WDR7: variants seen among roughly 807,000 people sequenced by gnomAD.
The protein encoded by WDR7 is WD repeat domain 7.
WDR7 carries 46 observed loss-of-function variants against 169.4 expected under a neutral mutation model. The ratio of observed to expected loss-of-function variants is 0.27; its 90% CI spans 0.21 to 0.35. WDR7 has a LOEUF of 0.35. WDR7 is among the 10% of genes least tolerant of loss of function. The pLI, the probability that WDR7 is intolerant of heterozygous loss-of-function variation, is 1.00. For missense variants in WDR7, 1,534 were observed against 1,859.3 expected (o/e 0.83, Z 3.22); for synonymous variants, 612 against 666.8 (o/e 0.92, Z 1.27).
At chr18:56,967,423 T>G (rs777148362) in intron 26 of WDR7, among the ~76,000 whole-genome samples, 1 of 152,016 alleles carries the variant, frequency 6.6e-6, no homozygotes, top group Non-Finnish European at 1.5e-5. Context: ...AGTATCTAAC[T>G]CCCTATGAAG....
chr18:56,707,390 GA>G (rs1387268377), intron 12 of WDR7, among the ~76,000 whole-genome samples: 1 of 150,472 alleles, frequency 6.6e-6, no homozygotes, highest in African/African-American at 2.4e-5. Flanking sequence ...AATTAGGGAT[GA>G]CTTCTCTTCC....
At chr18:56,790,861 AT>A (rs900364593) in intron 19 of WDR7, among the ~76,000 whole-genome samples, 10 of 150,754 alleles carry the variant, frequency 6.6e-5, no homozygotes, top group South Asian at 2.1e-4. Flanking sequence ...ATAAAGAAAA[AT>A]TTTTTTTTTA....
chr18:56,842,703 AC>A, intron 20 of WDR7, among the ~76,000 whole-genome samples: 1 of 152,196 alleles, frequency 6.6e-6, no homozygotes, highest in South Asian at 2.1e-4. Context: ...TCTTACACAC[AC>A]ACACACAGTG....
chr18:56,850,097 G>C (rs2045620349), intron 20 of WDR7, among the ~76,000 whole-genome samples: 2 of 152,154 alleles, frequency 1.3e-5, no homozygotes, highest in Admixed American at 6.5e-5. Context: ...AACTTCACAA[G>C]GCTGGCTGAT....
intron 26 of WDR7, among the ~76,000 whole-genome samples, chr18:56,977,518 T>C (rs1414361041): frequency 6.6e-6 from 1 of 152,222 alleles, no homozygotes; most frequent in Non-Finnish European, 1.5e-5. Context: ...GCTCAGCTGA[T>C]CTGTGTTCCT....
intron 16 of WDR7, among the ~76,000 whole-genome samples, chr18:56,759,608 G>C (rs1012783395): frequency 4.6e-5 from 7 of 152,124 alleles, no homozygotes; most frequent in Middle Eastern, 3.2e-3. Context: ...GAGAGTTGGG[G>C]AGTTATGTCT....
chr18:56,995,527 A>G (rs2047886719), intron 26 of WDR7, among the ~76,000 whole-genome samples: 1 of 152,148 alleles, frequency 6.6e-6, no homozygotes, highest in Non-Finnish European at 1.5e-5. Flanking sequence ...TTGACATCAC[A>G]GTTTTTTTCT....
At chr18:56,923,815 T>C in intron 21 of WDR7, 107 bp from the exon 22 acceptor site, 1 of 1,123,690 alleles carries the variant, frequency 8.9e-7, no homozygotes, top group Non-Finnish European at 1.2e-6. Flanking sequence ...AATACCTTTT[T>C]CAGTTAAAAA....
chr18:56,824,659 T>A (rs887457723), intron 20 of WDR7, among the ~76,000 whole-genome samples: 3 of 152,208 alleles, frequency 2.0e-5, no homozygotes, highest in African/African-American at 7.2e-5. Context: ...GGTAACACAT[T>A]AGTGAGGTGA....
chr18:56,794,748 T>G (rs2044554659), intron 19 of WDR7, among the ~76,000 whole-genome samples: 2 of 152,266 alleles, frequency 1.3e-5, no homozygotes. Flanking sequence ...AAAGTTTGTT[T>G]ATGCCATTTA....
Position 56,668,952 on chromosome 18 carries a change from G to A in WDR7, c.-19-3545G>A, listed in dbSNP as rs1345353465. 2.0e-5 allele frequency among the ~76,000 whole-genome samples: 3 copies of A among 151,224 alleles called. No homozygotes were observed. The East Asian group carries it at 5.8e-4, about 29-fold the overall frequency. Reference sequence around the variant, plus strand: ...GAGCATCTGCCATGTGCTAGGTATTGTACTAGTTGCATTACATATATGGTC... The same window carrying A: ...GAGCATCTGCCATGTGCTAGGTATTATACTAGTTGCATTACATATATGGTC... On this transcript the variant is annotated intron_variant, in intron 1 of 27. Coordinates refer to ENST00000254442, the MANE Select transcript of WDR7 (RefSeq NM_015285.3).
chr18:57,016,509 G>A (rs751928676), intron 26 of WDR7, among the ~76,000 whole-genome samples: 20 of 152,140 alleles, frequency 1.3e-4, no homozygotes, highest in Non-Finnish European at 2.5e-4. Context: ...CCTCAAAGTG[G>A]GTTGGTTTCA....
chr18:56,741,830 G>A (rs2043625748), intron 14 of WDR7, among the ~76,000 whole-genome samples: 1 of 152,100 alleles, frequency 6.6e-6, no homozygotes, highest in Admixed American at 6.5e-5. Context: ...AGGATTTTTG[G>A]CTCTTTTCCC....
At chr18:56,810,930 C>T (rs1184164755) in intron 19 of WDR7, among the ~76,000 whole-genome samples, 2 of 152,104 alleles carry the variant, frequency 1.3e-5, no homozygotes, top group African/African-American at 4.8e-5. Flanking sequence ...CCCCCATTAG[C>T]ATTACTCCAT....
At chr18:56,922,686 A>C (rs1402555678) in intron 21 of WDR7, among the ~76,000 whole-genome samples, 1 of 152,130 alleles carries the variant, frequency 6.6e-6, no homozygotes, top group Non-Finnish European at 1.5e-5. Context: ...GATGGCTTTC[A>C]TCAGATTCTT....
At chr18:56,934,964 T>C (rs1286508389) in intron 22 of WDR7, among the ~76,000 whole-genome samples, 2 of 152,172 alleles carry the variant, frequency 1.3e-5, no homozygotes, top group Non-Finnish European at 2.9e-5. Flanking sequence ...TTGATACTGT[T>C]CCCAGTGGAT....
intron 21 of WDR7, among the ~76,000 whole-genome samples, chr18:56,899,102 C>T (rs2145557214): frequency 6.6e-6 from 1 of 152,174 alleles, no homozygotes; most frequent in African/African-American, 2.4e-5. Context: ...TTTAATGTTT[C>T]TATTCCTTCC....
intron 19 of WDR7, among the ~76,000 whole-genome samples, chr18:56,786,342 G>A (rs1021516662): frequency 2.8e-4 from 43 of 152,174 alleles, no homozygotes; most frequent in Admixed American, 2.8e-3. Flanking sequence ...ACCAGCCTGG[G>A]CAACAGGGTG....
chr18:56,833,941 G>A (rs2045356297), intron 20 of WDR7, among the ~76,000 whole-genome samples: 1 of 152,174 alleles, frequency 6.6e-6, no homozygotes, highest in Admixed American at 6.5e-5. Flanking sequence ...TCTGGGTTCA[G>A]CTTAGCTATG....
Sources: allele counts gnomAD v4.1 joint callset (sites outside exome capture counted in the v4.1 genomes callset), GRCh38; gene constraint gnomAD v4.1.1; transcripts MANE v1.5; gene names NCBI Gene and HGNC (gene_info 2026-07-23, HGNC 2026-07-21).